The following HMGXB4 variants were observed in gnomAD, a reference collection of about 807,000 sequenced individuals.
The protein encoded by HMGXB4 is HMG-box containing 4.
In HMGXB4, 27 loss-of-function variants were observed where a neutral mutation model predicts 63.9. The ratio of observed to expected loss-of-function variants is 0.42; its 90% CI spans 0.31 to 0.58. The LOEUF is 0.58. HMGXB4 is among the 20% of genes least tolerant of loss of function. The pLI is 0.13. For synonymous variants in HMGXB4, 264 were observed against 265.3 expected, an observed-to-expected ratio of 0.99 and a Z score of 0.05; for missense variants, 624 against 700.7, an observed-to-expected ratio of 0.89 and a Z score of 1.24.
chr22:35,288,413 T>C lies in HMGXB4; in HGVS notation c.1638+6T>C. The C allele has an allele frequency of 6.3e-7, 1 of 1,577,536 alleles. No homozygotes were observed. The highest frequency in any genetic ancestry group is 8.6e-7 in the Non-Finnish European group (1 of 1,160,926). On this transcript the variant is annotated splice_donor_region_variant and intron_variant, in intron 9 of 10. Transcript: ENST00000216106. The stretch of plus-strand genomic sequence containing the variant: ...ACCGTCTGCAGGAAACTGAGGTGAA[T>C]ACAACTATCAGCAGCATGACTACAG...
At chr22:35,276,991 AT>A (rs1265455815) in intron 5 of HMGXB4, among the ~76,000 whole-genome samples, 3 of 152,194 alleles carry the variant, frequency 2.0e-5, no homozygotes, top group African/African-American at 4.8e-5. Context: ...ATAGAAAATA[AT>A]TCATATTAGT....
intron 5 of HMGXB4, among the ~76,000 whole-genome samples, chr22:35,266,895 G>A (rs897651257): frequency 3.4e-4 from 52 of 152,196 alleles, no homozygotes; most frequent in Admixed American, 2.7e-3. Flanking sequence ...GAGGTGAGAG[G>A]ATTGCTTAAG....
intron 5 of HMGXB4, among the ~76,000 whole-genome samples, chr22:35,279,831 C>G (rs1030611810): frequency 6.6e-6 from 1 of 152,054 alleles, no homozygotes; most frequent in Non-Finnish European, 1.5e-5. Context: ...GCCCTCTGTT[C>G]TGTTCCATTG....
At chr22:35,250,366 G>A in the HMGXB4 span, among the ~76,000 whole-genome samples, 1 of 152,194 alleles carries the variant, frequency 6.6e-6, no homozygotes, top group African/African-American at 2.4e-5. Context: ...CGTGTCACAT[G>A]CAGAGAGCTG....
upstream of HMGXB4, among the ~76,000 whole-genome samples, chr22:35,255,382 G>A (rs1922349823): frequency 6.6e-6 from 1 of 152,184 alleles, no homozygotes; most frequent in Non-Finnish European, 1.5e-5. Flanking sequence ...GGGCATGGTG[G>A]CATGCACCTG....
chr22:35,282,924 TC>T (rs1162363047), intron 5 of HMGXB4, among the ~76,000 whole-genome samples: 2 of 152,284 alleles, frequency 1.3e-5, no homozygotes, highest in Admixed American at 6.5e-5. Flanking sequence ...AGAAATATAA[TC>T]TTCTGTTTTA....
chr22:35,244,229 C>G, the HMGXB4 span, among the ~76,000 whole-genome samples: 1 of 151,906 alleles, frequency 6.6e-6, no homozygotes, highest in African/African-American at 2.4e-5. Flanking sequence ...TTCCTGAGAC[C>G]CTGATCATTT....
At chr22:35,269,326 C>T (rs1409779576) in intron 5 of HMGXB4, among the ~76,000 whole-genome samples, 3 of 152,096 alleles carry the variant, frequency 2.0e-5, no homozygotes, top group African/African-American at 4.8e-5. Flanking sequence ...TGCAGTGAGC[C>T]GAGATTGTGC....
Position 35,262,750 on chromosome 22 carries a change from A to G in HMGXB4, c.32-328A>G, listed in dbSNP as rs1922942091. ...CCTGGACTCCCACAGAGAGCAGCAC[A>G]GCACATGAATCCTTATTCTTTTCAG... On this transcript the variant is annotated intron_variant, in intron 2 of 10. Transcript: ENST00000216106. 4 of 519,732 alleles carry G rather than the reference A, an allele frequency of 7.7e-6. No homozygotes were observed. The Admixed American group carries it at 1.4e-4, about 18-fold the overall frequency. 32.2% of individuals were successfully genotyped at this position (519,732 alleles called of 1,614,324 possible). A position where few individuals can be genotyped will look rare whatever the true frequency, so the allele number is the denominator to read the frequency against.
At chr22:35,266,707 G>T (rs958609671) in intron 5 of HMGXB4, among the ~76,000 whole-genome samples, 10 of 152,236 alleles carry the variant, frequency 6.6e-5, no homozygotes, top group South Asian at 6.2e-4. Flanking sequence ...CTGGGGCTGG[G>T]TGTGGTGGCT....
chr22:35,278,359 G>C (rs949254427), intron 5 of HMGXB4, among the ~76,000 whole-genome samples: 1 of 152,142 alleles, frequency 6.6e-6, no homozygotes, highest in South Asian at 2.1e-4. Flanking sequence ...CAACTCCTTT[G>C]GGTAAATACC....
intron 5 of HMGXB4, among the ~76,000 whole-genome samples, chr22:35,275,740 TAAA>T (rs1455435597): frequency 6.6e-6 from 1 of 152,154 alleles, no homozygotes; most frequent in Admixed American, 6.5e-5. Context: ...CCCTGTTGCT[TAAA>T]AAGAAGTTAC....
In HMGXB4 at chr22:35,295,153, G is replaced by A. The variant is rs1406371644; in HGVS notation, c.*1502G>A. ...GCTTTCTTCTCCTGGCCCTGACAGA[G>A]CACTACAGCATCAAAGTAAATCTTT... On this transcript the variant is annotated 3_prime_UTR_variant, in exon 11 of 11. Coordinates refer to ENST00000216106, the MANE Select transcript of HMGXB4 (RefSeq NM_001003681.3). 6.6e-6 allele frequency: 1 copy of A among 152,202 alleles called. No homozygotes were observed. The highest frequency in any genetic ancestry group is 2.4e-5 in the African/African-American group (1 of 41,434). The allele number at this position is 152,202 out of a possible 1,614,324, so 9.4% of individuals were successfully genotyped here.
At chr22:35,249,175 C>CAGACAAGGACCA in the HMGXB4 span, among the ~76,000 whole-genome samples, 11 of 100,918 alleles carry the variant, frequency 1.1e-4, 1 homozygote, top group East Asian at 2.8e-4. Flanking sequence ...TCTCCTGCCT[C>CAGACAAGGACCA]GGCCTCCTGA....
chr22:35,287,560 C>T (rs1924670787), intron 8 of HMGXB4, 108 bp downstream of exon 8: 3 of 706,948 alleles, frequency 4.2e-6, no homozygotes, highest in South Asian at 3.3e-5. Context: ...CCTTGATTCC[C>T]AGGTATTATT....
At chr22:35,286,084 A>G (rs1055474336) in intron 7 of HMGXB4, 23 bp downstream of exon 7, 2 of 1,561,110 alleles carry the variant, frequency 1.3e-6, no homozygotes, top group African/African-American at 1.4e-5. Flanking sequence ...TCTTACAAAC[A>G]TATTTTTCAG....
At chr22:35,281,391 C>T (rs187314234) in intron 5 of HMGXB4, among the ~76,000 whole-genome samples, 17 of 152,320 alleles carry the variant, frequency 1.1e-4, no homozygotes, top group Non-Finnish European at 1.9e-4. Flanking sequence ...ACTCAATAAA[C>T]GCTAATCTAG....
At chr22:35,267,614 T>C (rs1191303239) in intron 5 of HMGXB4, among the ~76,000 whole-genome samples, 1 of 152,200 alleles carries the variant, frequency 6.6e-6, no homozygotes, top group South Asian at 2.1e-4. Flanking sequence ...ATGTCACTAA[T>C]TGACATGACC....
At chr22:35,272,671 T>C (rs1923676359) in intron 5 of HMGXB4, among the ~76,000 whole-genome samples, 1 of 152,076 alleles carries the variant, frequency 6.6e-6, no homozygotes, top group Admixed American at 6.5e-5. Flanking sequence ...GCGTGGTGGC[T>C]CACACCTGTA....
Sources: allele counts gnomAD v4.1 joint callset (sites outside exome capture counted in the v4.1 genomes callset), GRCh38; gene constraint gnomAD v4.1.1; transcripts MANE v1.5; gene names NCBI Gene and HGNC (gene_info 2026-07-23, HGNC 2026-07-21).